Variants in FARS2 observed in about 807,000 individuals in gnomAD.
The protein encoded by FARS2 is phenylalanyl-tRNA synthetase 2, mitochondrial, also known as phenylalanine--tRNA ligase, mitochondrial.
Under a neutral mutation model 46.4 loss-of-function variants are expected in FARS2, and 40 were observed. The ratio of observed to expected loss-of-function variants is 0.86; its 90% CI spans 0.67 to 1.12. The LOEUF (loss-of-function observed/expected upper bound fraction) is 1.12, where lower values mean the gene tolerates loss of function less well. Ranked by LOEUF, FARS2 falls within the 50% of genes most tolerant of loss-of-function variation. FARS2 has a pLI of 0.00. For missense variants in FARS2, 513 were observed against 567.9 expected, an observed-to-expected ratio of 0.90 and a Z score of 0.98; for synonymous variants, 234 against 214.9, an observed-to-expected ratio of 1.09 and a Z score of -0.78.
intron 4 of FARS2, among the ~76,000 whole-genome samples, chr6:5,469,263 G>T (rs1330505144): frequency 1.3e-5 from 2 of 152,130 alleles, no homozygotes; most frequent in South Asian, 2.1e-4. Flanking sequence ...GTCCACCGAG[G>T]TTCCTGTCCT....
chr6:5,530,030 G>A (rs111696586), intron 4 of FARS2, among the ~76,000 whole-genome samples: 3 of 152,276 alleles, frequency 2.0e-5, no homozygotes, highest in African/African-American at 7.2e-5. Context: ...AAGTCCAAAG[G>A]GCCAGCCAAC....
chr6:5,714,326 C>A (rs571338219), intron 6 of FARS2, among the ~76,000 whole-genome samples: 1 of 152,126 alleles, frequency 6.6e-6, no homozygotes, highest in Non-Finnish European at 1.5e-5. Flanking sequence ...CCAGGTTGAG[C>A]CAGTCTTCTA....
chr6:5,601,524 CAAAAAAAAAAAA>C (rs70975920), intron 5 of FARS2, among the ~76,000 whole-genome samples: 25 of 92,162 alleles, frequency 2.7e-4, no homozygotes, highest in African/African-American at 9.5e-4. Flanking sequence ...AACTCCATCA[CAAAAAAAAAAAA>C]AAAAAAAAAA....
At chr6:5,300,966 C>T (rs1467398673) in intron 1 of FARS2, among the ~76,000 whole-genome samples, 1 of 151,900 alleles carries the variant, frequency 6.6e-6, no homozygotes, top group Non-Finnish European at 1.5e-5. Context: ...ATCTGCCTGC[C>T]TTGGCTTCCC....
chr6:5,359,009 T>TTATATA (rs1029763132), intron 1 of FARS2, among the ~76,000 whole-genome samples: 3 of 147,254 alleles, frequency 2.0e-5, no homozygotes, highest in Non-Finnish European at 4.5e-5. Flanking sequence ...CTCAATCGAA[T>TTATATA]TATAGTGATG....
intron 3 of FARS2, among the ~76,000 whole-genome samples, chr6:5,413,584 T>C (rs1403315151): frequency 6.6e-6 from 1 of 152,234 alleles, no homozygotes; most frequent in African/African-American, 2.4e-5. Context: ...GCCTGTCTTC[T>C]AGCTCTACTA....
intron 4 of FARS2, among the ~76,000 whole-genome samples, chr6:5,432,009 T>C (rs1351891612): frequency 1.3e-5 from 2 of 151,452 alleles, no homozygotes; most frequent in African/African-American, 2.4e-5. Context: ...TTAAAAAATT[T>C]AATATAATTT....
intron 5 of FARS2, among the ~76,000 whole-genome samples, chr6:5,604,119 A>G (rs1010246390): frequency 3.9e-5 from 6 of 152,188 alleles, no homozygotes; most frequent in Non-Finnish European, 2.9e-5. Flanking sequence ...AGAGGATCAC[A>G]AGACTTTATC....
At chr6:5,629,090 A>T (rs1481137594) in intron 6 of FARS2, among the ~76,000 whole-genome samples, 1 of 152,236 alleles carries the variant, frequency 6.6e-6, no homozygotes, top group Non-Finnish European at 1.5e-5. Context: ...AGGTTGTAAC[A>T]CATCTGTTCC....
chr6:5,704,450 G>A (rs944004869), intron 6 of FARS2, among the ~76,000 whole-genome samples: 21 of 152,184 alleles, frequency 1.4e-4, no homozygotes, highest in Non-Finnish European at 2.5e-4. Context: ...TCAGAGTAAT[G>A]ATAAAGTATA....
intron 6 of FARS2, among the ~76,000 whole-genome samples, chr6:5,667,257 C>A (rs184588477): frequency 2.0e-5 from 3 of 152,036 alleles, no homozygotes; most frequent in African/African-American, 7.2e-5. Context: ...CAGTGGCTCA[C>A]GCCTGTAATC....
chr6:5,586,592 T>A (rs940919761), intron 5 of FARS2, among the ~76,000 whole-genome samples: 6 of 152,302 alleles, frequency 3.9e-5, no homozygotes, highest in Middle Eastern at 3.4e-3. Context: ...TTTAATGTAC[T>A]AGTATTTTGC....
chr6:5,684,583 C>T (rs1757038813), intron 6 of FARS2, among the ~76,000 whole-genome samples: 2 of 152,256 alleles, frequency 1.3e-5, no homozygotes, highest in African/African-American at 2.4e-5. Context: ...GCTGTATAAA[C>T]AAAAAGCTGC....
At chr6:5,639,728 A>C (rs1454483964) in intron 6 of FARS2, among the ~76,000 whole-genome samples, 1 of 151,804 alleles carries the variant, frequency 6.6e-6, no homozygotes, top group African/African-American at 2.4e-5. Flanking sequence ...AGCGCTTGAA[A>C]AGTGTCCTAT....
At chr6:5,262,832 C>A (rs2773322) in intron 1 of FARS2, among the ~76,000 whole-genome samples, 2 of 152,020 alleles carry the variant, frequency 1.3e-5, no homozygotes, top group African/African-American at 4.8e-5. Flanking sequence ...TCTATTACTT[C>A]CTGGTTGGTC....
At chr6:5,517,016 A>C (rs925085758) in intron 4 of FARS2, among the ~76,000 whole-genome samples, 1 of 152,198 alleles carries the variant, frequency 6.6e-6, no homozygotes, top group Admixed American at 6.5e-5. Flanking sequence ...AAGTTTAGAT[A>C]GATGCATTCA....
chr6:5,438,429 A>G (rs1344792603), intron 4 of FARS2, among the ~76,000 whole-genome samples: 2 of 151,508 alleles, frequency 1.3e-5, no homozygotes, highest in East Asian at 1.9e-4. Context: ...CCACAGATCC[A>G]TCTTCATGTT....
At chr6:5,601,017 G>C (rs1774479160) in intron 5 of FARS2, among the ~76,000 whole-genome samples, 1 of 152,150 alleles carries the variant, frequency 6.6e-6, no homozygotes, top group Non-Finnish European at 1.5e-5. Context: ...AGCAGAACTT[G>C]CAGCTCTCTC....
At position 5,513,298 on chromosome 6, in the gene FARS2, G is replaced by A. The variant is rs150787913; in HGVS notation, c.905-31882G>A. ...GAACTCTGGGGAAAGGAGCTGAGCC[G>A]TGTTTGTGTTGTATCCACATTAACT... On this transcript the variant is annotated intron_variant, in intron 4 of 6. Transcript: ENST00000274680. 6.6e-3 allele frequency among the ~76,000 whole-genome samples: 1,005 copies of A among 152,278 alleles called. 6 individuals carry two copies. Among genetic ancestry groups the A allele is most frequent in the Non-Finnish European group, 0.01 (697 of 68,014 alleles).
Sources: gnomAD v4.1 joint callset for allele counts (sites outside exome capture counted in the v4.1 genomes callset) on GRCh38, gnomAD v4.1.1 for gene constraint, MANE v1.5 for transcripts, NCBI Gene and HGNC (gene_info 2026-07-23, HGNC 2026-07-21) for gene names.